Variants in KBTBD8 observed in about 807,000 individuals in gnomAD.
The protein encoded by KBTBD8 is kelch repeat and BTB domain containing 8.
KBTBD8 carries 31 observed loss-of-function variants against 53.5 expected under a neutral mutation model. The observed-to-expected ratio is 0.58, with a 90% CI of 0.44 to 0.78. KBTBD8 has a LOEUF of 0.78. KBTBD8 is among the 30% of genes least tolerant of loss of function. The pLI is 0.00. For synonymous variants in KBTBD8, 250 were observed against 247.3 expected, an observed-to-expected ratio of 1.01 and a Z score of -0.10; for missense variants, 642 against 735.8, an observed-to-expected ratio of 0.87 and a Z score of 1.48.
chr3:67,002,297 A>G (rs1702024494), intron 2 of KBTBD8, among the ~76,000 whole-genome samples: 1 of 152,180 alleles, frequency 6.6e-6, no homozygotes, highest in Non-Finnish European at 1.5e-5. Context: ...TATATTACTT[A>G]TAATGGTTAA....
rs1702106490 is a variant in KBTBD8 at position 67,010,323 on chromosome 3, A to C, written c.*1938A>C. On this transcript the variant is annotated 3_prime_UTR_variant, in exon 4 of 4. Transcript: ENST00000417314. Reference sequence around the variant, plus strand: ...TTATTTTTGAAAGCTTTGTTGAATAAGATTTCCTGCCGCTTTTTGACAATC... The same window carrying C: ...TTATTTTTGAAAGCTTTGTTGAATACGATTTCCTGCCGCTTTTTGACAATC... 6.6e-6 allele frequency: 1 copy of C among 152,618 alleles called. No homozygotes were observed. Among genetic ancestry groups the C allele is most frequent in the Non-Finnish European group, 1.5e-5 (1 of 68,016 alleles). 9.5% of individuals were successfully genotyped at this position (152,618 alleles called of 1,614,324 possible).
At chr3:67,001,505 G>C (rs1251080098) in intron 2 of KBTBD8, among the ~76,000 whole-genome samples, 1 of 152,190 alleles carries the variant, frequency 6.6e-6, no homozygotes, top group African/African-American at 2.4e-5. Context: ...ACTCCTGTGT[G>C]TAAGATGAGC....
At chr3:67,004,766 A>G (rs1702049475) in intron 3 of KBTBD8, among the ~76,000 whole-genome samples, 1 of 152,240 alleles carries the variant, frequency 6.6e-6, no homozygotes, top group Non-Finnish European at 1.5e-5. Flanking sequence ...CAAAGCATTA[A>G]TTAAGTTATA....
At chr3:67,004,391 G>T (rs576532697) in intron 3 of KBTBD8, 82 bp downstream of exon 3, 1 of 1,328,682 alleles carries the variant, frequency 7.5e-7, no homozygotes, top group Non-Finnish European at 1.1e-6. Flanking sequence ...AAACAGTTGT[G>T]TTCCCGTTAA....
rs373591737 is a variant in KBTBD8 at position 67,004,281 on chromosome 3, G to A, written c.1314G>A (p.Glu438=). 3 of 1,613,968 alleles carry A rather than the reference G, an allele frequency of 1.9e-6. No homozygotes were observed. The highest frequency in any genetic ancestry group is 1.7e-6 in the Non-Finnish European group (2 of 1,179,808). The change falls in exon 3 of 4, where the codon GAG becomes GAA. Residue 438 remains glutamate, a synonymous_variant. Transcript: ENST00000417314. ...CAATGGAATTTCATAATGCTGTGGA[G>A]TACAAAGAGAAGATCTATGTTTTAC... ...PVAMEFHNAV[E]YKEKIYVLQG... is the part of the protein sequence containing the mutation.
At chr3:67,005,359 T>C (rs564691444) in intron 3 of KBTBD8, among the ~76,000 whole-genome samples, 1 of 152,340 alleles carries the variant, frequency 6.6e-6, no homozygotes, top group East Asian at 1.9e-4. Context: ...TATGATAGCA[T>C]ATTTTTACTG....
intron 2 of KBTBD8, among the ~76,000 whole-genome samples, chr3:67,002,075 G>A (rs552986819): frequency 1.4e-4 from 22 of 152,236 alleles, no homozygotes; most frequent in Middle Eastern, 3.4e-3. Context: ...ACTTGGTCTC[G>A]AAGGTAAAAG....
intron 1 of KBTBD8, 129 bp downstream of exon 1, chr3:66,998,500 A>G (rs1362844415): frequency 1.1e-5 from 8 of 750,324 alleles, no homozygotes; most frequent in Non-Finnish European, 1.5e-5. Context: ...GGTGGAGGGG[A>G]ATGAGAAGAG....
In KBTBD8 at chr3:67,009,412, C is replaced by A. The variant is rs573064205; in HGVS notation, c.*1027C>A. The A allele has an allele frequency of 6.6e-6, 1 of 152,636 alleles. No individual in the cohort carries two copies. Among genetic ancestry groups the A allele is most frequent in the Non-Finnish European group, 1.5e-5 (1 of 68,014 alleles). The allele number at this position is 152,636 out of a possible 1,614,324, so 9.5% of individuals were successfully genotyped here. ...CAAGGAAAGGTAACTTATTTCTCTT[C>A]TGCACAGAGCATAATGTGAAGTTTT... On this transcript the variant is annotated 3_prime_UTR_variant, in exon 4 of 4. Transcript: ENST00000417314.
chr3:67,007,200 A>G (rs1388776531), intron 3 of KBTBD8, among the ~76,000 whole-genome samples: 1 of 152,218 alleles, frequency 6.6e-6, no homozygotes, highest in African/African-American at 2.4e-5. Flanking sequence ...TGATGATGTT[A>G]CATGTATGCA....
rs959087307 is a variant in KBTBD8, at chr3:67,009,103, G to A, written c.*718G>A. On this transcript the variant is annotated 3_prime_UTR_variant, in exon 4 of 4. Coordinates refer to ENST00000417314, the MANE Select transcript of KBTBD8 (RefSeq NM_032505.3). ...AAGTGCTCATATTCACAGGTGGCTG[G>A]TGCTAGTCTAACTTAATTCATGTGT... 6.6e-6 allele frequency: 1 copy of A among 152,568 alleles called. No individual in the cohort carries two copies. Among genetic ancestry groups the A allele is most frequent in the African/African-American group, 2.4e-5 (1 of 41,432 alleles). The allele number at this position is 152,568 out of a possible 1,614,324, so 9.5% of individuals were successfully genotyped here.
rs753155242 is a variant in KBTBD8 at position 67,008,355 on chromosome 3, G to A, written c.1776G>A (p.Leu592=). ...ATTTTGAATGTGCTGTTGCTAAACT[G>A]TATCCTCAGTGTCTTCAGAAAGTAC... ...GRHFECAVAK[L]YPQCLQKVL The change falls in exon 4 of 4, where the codon CTG becomes CTA. Residue 592 remains leucine (L), a synonymous_variant. Coordinates refer to ENST00000417314, the MANE Select transcript of KBTBD8 (RefSeq NM_032505.3). 1.9e-6 allele frequency: 3 copies of A among 1,611,678 alleles called. No individual in the cohort carries two copies. The highest frequency in any genetic ancestry group is 4.5e-5 in the East Asian group (2 of 44,838).
Position 67,003,354 on chromosome 3 carries a change from C to T in KBTBD8, c.387C>T (p.Ile129=). Residue 129 remains isoleucine (I), a synonymous_variant, in exon 3 of 4, where the codon ATC becomes ATT. Transcript: ENST00000417314. ...AAGCCTTGTTCACTGCAGCTAGCAT[C>T]TTCCAGATTCCTTCCATCCAAGACC... The part of the protein sequence containing the change: ...NVQALFTAAS[I]FQIPSIQDQC... 1 of 1,614,208 alleles carries T rather than the reference C, an allele frequency of 6.2e-7. No individual in the cohort carries two copies. Among genetic ancestry groups the T allele is most frequent in the Non-Finnish European group, 8.5e-7 (1 of 1,180,032 alleles).
At position 67,009,125 on chromosome 3, in the gene KBTBD8, G is replaced by C. The variant is rs1376170727; in HGVS notation, c.*740G>C. 1 of 152,588 alleles carries C rather than the reference G, an allele frequency of 6.6e-6. No homozygotes were observed. The highest frequency in any genetic ancestry group is 1.5e-5 in the Non-Finnish European group (1 of 68,032). 9.5% of individuals were successfully genotyped at this position (152,588 alleles called of 1,614,324 possible). A position where few individuals can be genotyped will look rare whatever the true frequency, so the allele number is the denominator to read the frequency against. On this transcript the variant is annotated 3_prime_UTR_variant, in exon 4 of 4. Coordinates refer to ENST00000417314, the MANE Select transcript of KBTBD8 (RefSeq NM_032505.3). ...CTGGTGCTAGTCTAACTTAATTCAT[G>C]TGTATAACTAGATGGATTTAAATGG...
In KBTBD8 at chr3:67,008,790, A is replaced by T. The variant is rs1166558210; in HGVS notation, c.*405A>T. 1.2e-5 allele frequency: 2 copies of T among 173,664 alleles called. No individual in the cohort carries two copies. The highest frequency in any genetic ancestry group is 2.5e-5 in the Non-Finnish European group (2 of 79,286). The allele number at this position is 173,664 out of a possible 1,614,324, so 10.8% of individuals were successfully genotyped here. ...ACGGGTAACAATCTGAGGCAATATC[A>T]CTAGGACTTTAGCTGTGACCTCTCT... On this transcript the variant is annotated 3_prime_UTR_variant, in exon 4 of 4. Transcript: ENST00000417314.
rs116058131 is a variant in KBTBD8 at position 67,002,444 on chromosome 3, C to T, written c.228-751C>T. ...AGTTGCCTTGTAATTTTCACCAGGA[C>T]ATGAAAAGTTTTTATTAGGTTGTTT... On this transcript the variant is annotated intron_variant, in intron 2 of 3. Coordinates refer to ENST00000417314, the MANE Select transcript of KBTBD8 (RefSeq NM_032505.3). Among the ~76,000 whole-genome samples the T allele has an allele frequency of 3.2e-3, 489 of 150,772 alleles. 4 individuals are homozygous for T. Among genetic ancestry groups the T allele is most frequent in the African/African-American group, 0.011 (470 of 41,060 alleles).
chr3:67,002,137 C>G (rs1017363420), intron 2 of KBTBD8, among the ~76,000 whole-genome samples: 6 of 152,118 alleles, frequency 3.9e-5, no homozygotes, highest in Non-Finnish European at 7.4e-5. Flanking sequence ...CTATTAAACT[C>G]TGTTTAAAAC....
At chr3:66,998,762 AGCAG>A (rs1168782793) in intron 1 of KBTBD8, among the ~76,000 whole-genome samples, 2 of 152,078 alleles carry the variant, frequency 1.3e-5, no homozygotes, top group Non-Finnish European at 2.9e-5. Flanking sequence ...GCTCCGCAGG[AGCAG>A]GCTGGCCTTT....
At position 67,008,692 on chromosome 3, in the gene KBTBD8, T is replaced by G; in HGVS notation, c.*307T>G. 2 of 293,168 alleles carry G rather than the reference T, an allele frequency of 6.8e-6. No individual in the cohort carries two copies. Among genetic ancestry groups the G allele is most frequent in the East Asian group, 1.3e-4 (2 of 15,978 alleles). The allele number at this position is 293,168 out of a possible 1,614,324, so 18.2% of individuals were successfully genotyped here. ...CAGATGAATCAGGACAACTATGCAC[T>G]CTTATAAGAGCATTTAGGGTATTAT... On this transcript the variant is annotated 3_prime_UTR_variant, in exon 4 of 4. Transcript: ENST00000417314.
Sources: gnomAD v4.1 joint callset for allele counts (sites outside exome capture counted in the v4.1 genomes callset) on GRCh38, gnomAD v4.1.1 for gene constraint, MANE v1.5 for transcripts, NCBI Gene and HGNC (gene_info 2026-07-23, HGNC 2026-07-21) for gene names.